PKHD1L1: variants seen among roughly 807,000 people sequenced by gnomAD.
PKHD1L1 encodes the protein PKHD1 like 1, also known as fibrocystin-L.
Under a neutral mutation model 462.9 loss-of-function variants are expected in PKHD1L1, and 434 were observed. That is an observed-to-expected ratio of 0.94 (90% confidence interval 0.87 to 1.02). The LOEUF (loss-of-function observed/expected upper bound fraction) is 1.02. Ranked by LOEUF, PKHD1L1 falls within the 50% of genes least tolerant of loss-of-function variation. The probability of loss-of-function intolerance (pLI) is 0.00; values close to 1 mark genes in which losing one functional copy is unlikely to be tolerated. For synonymous variants in PKHD1L1, 1,781 were observed against 1,750.0 expected (o/e 1.02, Z -0.44); for missense variants, 5,202 against 5,096.1 (o/e 1.02, Z -0.63).
At chr8:109,367,381 T>C (rs1299025206) in intron 2 of PKHD1L1, among the ~76,000 whole-genome samples, 1 of 152,256 alleles carries the variant, frequency 6.6e-6, no homozygotes, top group Non-Finnish European at 1.5e-5. Flanking sequence ...TTCATATTAC[T>C]TTTTGAAATG....
Position 109,452,688 on chromosome 8 carries a change from A to C in PKHD1L1, c.6508-30A>C, listed in dbSNP as rs918289125. ...ATGAAAAACTCTGGTAAAATCCCTA[A>C]ATTTTAAGGTCTCTTATGTTCTATT... is the stretch of plus-strand genomic sequence containing the variant. On this transcript the variant is annotated intron_variant, in intron 42 of 77. Coordinates refer to ENST00000378402, the MANE Select transcript of PKHD1L1 (RefSeq NM_177531.6). The C allele has an allele frequency of 3.0e-6, 4 of 1,349,996 alleles. No individual in the cohort carries two copies. The African/African-American group carries it at 4.5e-5, about 15-fold the overall frequency. 83.6% of individuals were successfully genotyped at this position (1,349,996 alleles called of 1,614,324 possible).
chr8:109,530,560 G>T lies in PKHD1L1; in HGVS notation c.*470G>T, dbSNP rs1217456731. On this transcript the variant is annotated 3_prime_UTR_variant, in exon 78 of 78. Transcript: ENST00000378402. ...TTCTAGTTTCTAAGGATTTTGGAGA[G>T]ACGAGATTGTCTTCACACAATCTGA... Among the ~76,000 whole-genome samples, 1 of 152,024 alleles carries T rather than the reference G, an allele frequency of 6.6e-6. No homozygotes were observed. The highest frequency in any genetic ancestry group is 1.5e-5 in the Non-Finnish European group (1 of 68,006).
At position 109,371,428 on chromosome 8, in the gene PKHD1L1, C is replaced by T. The variant is rs1049415987; in HGVS notation, c.163+6792C>T. Among the ~76,000 whole-genome samples, 21 of 150,732 alleles carry T rather than the reference C, an allele frequency of 1.4e-4. No individual in the cohort carries two copies. In the East Asian group the frequency reaches 1.8e-3, roughly 13 times the overall value. On this transcript the variant is annotated intron_variant, in intron 2 of 77. Transcript: ENST00000378402. ...AGCCCTTTGTCAGATGAGTAGGTTG[C>T]GAAAATTTTCTCCCATTCTGTAGGT...
intron 23 of PKHD1L1, 34 bp from the exon 24 acceptor site, chr8:109,425,051 T>A: frequency 2.0e-6 from 3 of 1,489,810 alleles, no homozygotes; most frequent in Admixed American, 4.4e-5. Flanking sequence ...TTGTTAAGTT[T>A]AATCATTTTA....
At chr8:109,393,879 T>A (rs923929982) in intron 9 of PKHD1L1, among the ~76,000 whole-genome samples, 4 of 152,062 alleles carry the variant, frequency 2.6e-5, no homozygotes, top group African/African-American at 9.7e-5. Context: ...ATATAATTTC[T>A]TAAAATCAAC....
chr8:109,445,738 GGT>G (rs1816101528), intron 38 of PKHD1L1, 93 bp downstream of exon 38: 1 of 1,301,448 alleles, frequency 7.7e-7, no homozygotes, highest in Non-Finnish European at 1.0e-6. Context: ...TAACTATTAA[GGT>G]GTGTTTATAA....
In PKHD1L1 at chr8:109,443,007, T is replaced by C. The variant is rs756418380; in HGVS notation, c.4455T>C (p.Asp1485=). The C allele has an allele frequency of 4.3e-6, 7 of 1,613,732 alleles. No homozygotes were observed. Among genetic ancestry groups the C allele is most frequent in the South Asian group, 1.1e-5 (1 of 91,080 alleles). ...GIHYYSSGYV[D]EAHSIFLQGV... is the part of the protein sequence containing the mutation. ...ATTATTATAGCAGCGGGTATGTTGA[T>C]GAGGCTCACTCCATTTTTCTCCAAG... Residue 1485 remains aspartate (D), a synonymous_variant, in exon 36 of 78, where the codon GAT becomes GAC. Transcript: ENST00000378402.
intron 58 of PKHD1L1, among the ~76,000 whole-genome samples, chr8:109,486,015 T>G (rs1484386078): frequency 6.6e-6 from 1 of 152,022 alleles, no homozygotes; most frequent in Non-Finnish European, 1.5e-5. Context: ...CATTTTTCTC[T>G]GTTTGAAATG....
At chr8:109,404,752 G>T in intron 15 of PKHD1L1, 39 bp downstream of exon 15, 1 of 1,531,180 alleles carries the variant, frequency 6.5e-7, no homozygotes, top group Non-Finnish European at 8.8e-7. Context: ...GAAAGTAAAT[G>T]TTCGAAGGCA....
At chr8:109,522,921 G>A in intron 75 of PKHD1L1, 31 bp downstream of exon 75, 1 of 1,555,348 alleles carries the variant, frequency 6.4e-7, no homozygotes, top group Non-Finnish European at 8.7e-7. Context: ...TTACTTAAGT[G>A]AAGGAATTAA....
chr8:109,400,735 G>T (rs1435180769), intron 13 of PKHD1L1, among the ~76,000 whole-genome samples: 1 of 151,790 alleles, frequency 6.6e-6, no homozygotes, highest in Non-Finnish European at 1.5e-5. Context: ...TATTACTTGG[G>T]TTTACCAAGC....
chr8:109,429,787 A>G lies in PKHD1L1; in HGVS notation c.3124-145A>G, dbSNP rs116637200. The stretch of plus-strand genomic sequence containing the variant: ...GTGACTTTCCCAAGGGCAAAAATGA[A>G]TGAAATATCAAAGTACAAAAAATAT... On this transcript the variant is annotated intron_variant, in intron 26 of 77. Transcript: ENST00000378402. The G allele has an allele frequency of 9.3e-4, 613 of 661,668 alleles. 3 individuals are homozygous for G. In the African/African-American group the frequency reaches 0.01, roughly 11 times the overall value. 41.0% of individuals were successfully genotyped at this position (661,668 alleles called of 1,614,324 possible). A position where few individuals can be genotyped will look rare whatever the true frequency, so the allele number is the denominator to read the frequency against.
intron 13 of PKHD1L1, among the ~76,000 whole-genome samples, chr8:109,400,811 A>G (rs1813234071): frequency 6.6e-6 from 1 of 152,004 alleles, no homozygotes; most frequent in African/African-American, 2.4e-5. Flanking sequence ...CACAAATAAT[A>G]CTCTATTGAA....
In PKHD1L1 at chr8:109,453,000, T is replaced by C. The variant is rs934485531; in HGVS notation, c.6664+126T>C. On this transcript the variant is annotated intron_variant, in intron 43 of 77. Coordinates refer to ENST00000378402, the MANE Select transcript of PKHD1L1 (RefSeq NM_177531.6). ...ATCTTTTTAATATACAGTGTAGTCC[T>C]GGGCTTTCTAAATTGAGTATTACAA... The C allele has an allele frequency of 5.3e-6, 4 of 759,598 alleles. No homozygotes were observed. In the African/African-American group the frequency reaches 7.3e-5, roughly 14 times the overall value. The allele number at this position is 759,598 out of a possible 1,614,324, so 47.1% of individuals were successfully genotyped here.
chr8:109,517,559 CT>C (rs1586657246), intron 72 of PKHD1L1, among the ~76,000 whole-genome samples: 1 of 152,202 alleles, frequency 6.6e-6, no homozygotes, highest in East Asian at 1.9e-4. Flanking sequence ...ATCTCAATCA[CT>C]TTTGTAAAAT....
At chr8:109,478,777 C>G (rs1461778169) in intron 53 of PKHD1L1, among the ~76,000 whole-genome samples, 1 of 152,030 alleles carries the variant, frequency 6.6e-6, no homozygotes, top group African/African-American at 2.4e-5. Flanking sequence ...AGGTAAACTA[C>G]GATAAACTAC....
At position 109,493,775 on chromosome 8, in the gene PKHD1L1, G is replaced by A. The variant is rs146196836; in HGVS notation, c.10327+24G>A. The A allele has an allele frequency of 3.5e-4, 517 of 1,459,226 alleles. 5 individuals are homozygous for A. The African/African-American group carries it at 6.7e-3, about 19-fold the overall frequency. The allele number at this position is 1,459,226 out of a possible 1,614,324, so 90.4% of individuals were successfully genotyped here. A position where few individuals can be genotyped will look rare whatever the true frequency, so the allele number is the denominator to read the frequency against. On this transcript the variant is annotated intron_variant, in intron 63 of 77. Coordinates refer to ENST00000378402, the MANE Select transcript of PKHD1L1 (RefSeq NM_177531.6). ...AGGTAAGTCTTTTAAACCAGGAATCGCTAAAACTAGGAAATAACTTGTACA... is the reference window on the plus strand; with the variant it reads ...AGGTAAGTCTTTTAAACCAGGAATCACTAAAACTAGGAAATAACTTGTACA...
At position 109,510,779 on chromosome 8, in the gene PKHD1L1, C is replaced by A; in HGVS notation, c.11398C>A (p.Pro3800Thr). 1 of 1,611,844 alleles carries A rather than the reference C, an allele frequency of 6.2e-7. No individual in the cohort carries two copies. The highest frequency in any genetic ancestry group is 1.3e-5 in the African/African-American group (1 of 74,862). Residue 3800 changes from proline to threonine, a missense_variant and splice_region_variant, in exon 71 of 78, where the codon CCA (proline) becomes ACA (threonine). Pro to Thr is a conservative substitution (Grantham distance 38). Transcript: ENST00000378402. Reference sequence around the variant, plus strand: ...ACTTTCATTTTGCATGGATTTAGGCCCACAGGATCATGGCTGGTGTGCTGG... The same window carrying A: ...ACTTTCATTTTGCATGGATTTAGGCACACAGGATCATGGCTGGTGTGCTGG... Reference protein sequence around the residue: ...GNGYVDLINGPQDHGWCAGYT... With the variant: ...GNGYVDLINGTQDHGWCAGYT...
intron 4 of PKHD1L1, among the ~76,000 whole-genome samples, chr8:109,383,247 TATA>T (rs2130431102): frequency 1.0e-5 from 1 of 98,198 alleles, no homozygotes; most frequent in African/African-American, 3.9e-5. Flanking sequence ...ATATATAACA[TATA>T]TAATAGATAA....
Sources: gnomAD v4.1 joint callset for allele counts (sites outside exome capture counted in the v4.1 genomes callset) on GRCh38, gnomAD v4.1.1 for gene constraint, MANE v1.5 for transcripts, NCBI Gene and HGNC (gene_info 2026-07-23, HGNC 2026-07-21) for gene names.